Variants in AUTS2 observed in about 807,000 individuals in gnomAD.
AUTS2 encodes the protein activator of transcription and developmental regulator AUTS2.
Under a neutral mutation model 112.4 loss-of-function variants are expected in AUTS2, and 17 were observed. That is an observed-to-expected ratio of 0.15 (90% confidence interval 0.10 to 0.23). The LOEUF (loss-of-function observed/expected upper bound fraction) is 0.23. Among genes scored for constraint, AUTS2 ranks in the 10% least tolerant of loss-of-function variants. AUTS2 has a pLI of 1.00. For synonymous variants in AUTS2, 751 were observed against 702.7 expected (o/e 1.07, Z -1.09); for missense variants, 1,510 against 1,701.6 (o/e 0.89, Z 1.98).
intron 4 of AUTS2, among the ~76,000 whole-genome samples, chr7:70,269,406 G>GA (rs1036180219): frequency 7.9e-5 from 12 of 152,190 alleles, no homozygotes; most frequent in African/African-American, 2.6e-4. Flanking sequence ...AAGAACTGGG[G>GA]GATGGGGGTG....
At chr7:70,485,846 A>G (rs536018516) in intron 5 of AUTS2, among the ~76,000 whole-genome samples, 1 of 152,192 alleles carries the variant, frequency 6.6e-6, no homozygotes, top group East Asian at 1.9e-4. Context: ...ATCGCCATGC[A>G]GGGTGCAGCT....
At chr7:70,035,400 C>T (rs569556168) in intron 2 of AUTS2, among the ~76,000 whole-genome samples, 5 of 152,300 alleles carry the variant, frequency 3.3e-5, no homozygotes, top group African/African-American at 1.2e-4. Flanking sequence ...TCACAGAATG[C>T]AGTTTTTCTT....
intron 5 of AUTS2, among the ~76,000 whole-genome samples, chr7:70,636,972 G>A (rs1258802662): frequency 6.6e-6 from 1 of 152,120 alleles, no homozygotes; most frequent in African/African-American, 2.4e-5. Context: ...CCAGTATTTT[G>A]CATGTAAGAT....
intron 5 of AUTS2, among the ~76,000 whole-genome samples, chr7:70,688,874 T>C (rs1433158951): frequency 6.6e-6 from 1 of 152,212 alleles, no homozygotes; most frequent in Non-Finnish European, 1.5e-5. Flanking sequence ...TTTATAGTCG[T>C]AGGCAAAACG....
At chr7:70,714,218 A>G (rs1168829405) in intron 6 of AUTS2, among the ~76,000 whole-genome samples, 1 of 152,202 alleles carries the variant, frequency 6.6e-6, no homozygotes, top group Admixed American at 6.5e-5. Context: ...ACTCTAATTC[A>G]ATATAGAAAA....
intron 5 of AUTS2, among the ~76,000 whole-genome samples, chr7:70,669,765 T>A (rs1585476095): frequency 6.6e-6 from 1 of 152,264 alleles, no homozygotes; most frequent in Non-Finnish European, 1.5e-5. Flanking sequence ...GTGCGTTTCT[T>A]ATTTGATTCT....
chr7:69,865,103 GTTT>G (rs796779159), intron 1 of AUTS2, among the ~76,000 whole-genome samples: 1 of 139,880 alleles, frequency 7.1e-6, no homozygotes, highest in Non-Finnish European at 1.6e-5. Flanking sequence ...AGGATGGTAG[GTTT>G]TTTTTTTTTT....
chr7:70,258,370 A>G (rs936864377), intron 4 of AUTS2, among the ~76,000 whole-genome samples: 8 of 152,196 alleles, frequency 5.3e-5, no homozygotes, highest in Non-Finnish European at 8.8e-5. Context: ...ATTTTCACGC[A>G]ATTTTCATAA....
chr7:70,176,044 A>C (rs970353004), intron 4 of AUTS2, among the ~76,000 whole-genome samples: 1 of 152,178 alleles, frequency 6.6e-6, no homozygotes, highest in Non-Finnish European at 1.5e-5. Flanking sequence ...GAAGACACTT[A>C]GATTTCAATA....
intron 5 of AUTS2, among the ~76,000 whole-genome samples, chr7:70,526,667 C>CA (rs981918975): frequency 1.3e-5 from 2 of 152,052 alleles, no homozygotes; most frequent in Non-Finnish European, 2.9e-5. Flanking sequence ...GACTCTGTGT[C>CA]AAAAAAATAA....
intron 1 of AUTS2, among the ~76,000 whole-genome samples, chr7:69,892,157 T>G (rs1419500356): frequency 6.7e-6 from 1 of 148,764 alleles, no homozygotes; most frequent in African/African-American, 2.5e-5. Context: ...TGTTTCCTTT[T>G]TTAGTTTTGA....
chr7:70,595,703 ATACT>A (rs1803163209), intron 5 of AUTS2, among the ~76,000 whole-genome samples: 1 of 152,168 alleles, frequency 6.6e-6, no homozygotes, highest in African/African-American at 2.4e-5. Flanking sequence ...GTTGGAGTAG[ATACT>A]TCATTCAGAG....
intron 5 of AUTS2, among the ~76,000 whole-genome samples, chr7:70,487,353 C>T (rs760139328): frequency 1.5e-4 from 23 of 152,114 alleles, no homozygotes; most frequent in Non-Finnish European, 1.6e-4. Flanking sequence ...CTAAAGTGTT[C>T]CCTTCAGCAT....
intron 6 of AUTS2, among the ~76,000 whole-genome samples, chr7:70,741,328 C>A (rs1369271142): frequency 1.3e-5 from 2 of 149,908 alleles, no homozygotes; most frequent in African/African-American, 4.9e-5. Context: ...AAAAATTTAT[C>A]ACTGACAGAA....
chr7:70,397,982 G>C (rs1410993317), intron 4 of AUTS2, among the ~76,000 whole-genome samples: 2 of 152,148 alleles, frequency 1.3e-5, no homozygotes, highest in Admixed American at 6.5e-5. Context: ...TATGGTATGA[G>C]GTATAGATTC....
At chr7:70,413,018 AT>A (rs1794839965) in intron 4 of AUTS2, among the ~76,000 whole-genome samples, 1 of 152,130 alleles carries the variant, frequency 6.6e-6, no homozygotes, top group Non-Finnish European at 1.5e-5. Context: ...AAATAATAAT[AT>A]AATGTATGTC....
intron 2 of AUTS2, among the ~76,000 whole-genome samples, chr7:70,088,525 CT>C (rs1278477808): frequency 2.3e-5 from 3 of 130,004 alleles, no homozygotes; most frequent in Admixed American, 2.2e-4. Context: ...TACTTTTGCT[CT>C]CTTTTTTTTT....
chr7:70,306,913 C>G (rs1789518515), intron 4 of AUTS2, among the ~76,000 whole-genome samples: 1 of 152,184 alleles, frequency 6.6e-6, no homozygotes, highest in Admixed American at 6.5e-5. Context: ...GTGAGCTGGA[C>G]TAAGCCATCT....
At chr7:69,728,525 T>C (rs111660133) in intron 1 of AUTS2, among the ~76,000 whole-genome samples, 1 of 152,172 alleles carries the variant, frequency 6.6e-6, no homozygotes, top group Non-Finnish European at 1.5e-5. Flanking sequence ...TAGACAAACA[T>C]TGAGTCATCC....
Sources: allele counts gnomAD v4.1 joint callset (sites outside exome capture counted in the v4.1 genomes callset), GRCh38; gene constraint gnomAD v4.1.1; transcripts MANE v1.5; gene names NCBI Gene and HGNC (gene_info 2026-07-23, HGNC 2026-07-21).